The following USP10 variants were observed in gnomAD, a reference collection of about 807,000 sequenced individuals.
USP10 encodes the protein ubiquitin carboxyl-terminal hydrolase 10.
A neutral mutation model predicts 84.5 loss-of-function variants in USP10; 22 were observed. The observed-to-expected ratio is 0.26, with a 90% confidence interval of 0.19 to 0.37. USP10 has a LOEUF of 0.37. Among genes scored for constraint, USP10 ranks in the 10% least tolerant of loss-of-function variants. USP10 has a pLI of 1.00. For synonymous variants in USP10, 454 were observed against 387.6 expected (o/e 1.17, Z -2.01); for missense variants, 1,019 against 998.9 (o/e 1.02, Z -0.27).
intron 11 of USP10, among the ~76,000 whole-genome samples, chr16:84,771,810 G>A (rs1197416024): frequency 1.3e-5 from 2 of 152,170 alleles, no homozygotes; most frequent in Non-Finnish European, 2.9e-5. Flanking sequence ...GGATGTTGCA[G>A]TGAGCGCAGA....
At chr16:84,740,231 T>C (rs1432185104) in intron 2 of USP10, 78 bp from the exon 3 acceptor site, 3 of 1,312,642 alleles carry the variant, frequency 2.3e-6, no homozygotes, top group African/African-American at 2.9e-5. Context: ...TTTTAATGAA[T>C]TGTTGCCTTA....
Position 84,705,836 on chromosome 16 carries a change from CAG to C in USP10, c.21+5726_21+5727del, listed in dbSNP as rs374840067. Among the ~76,000 whole-genome samples, 264 of 150,342 alleles carry C rather than the reference CAG, an allele frequency of 1.8e-3. 1 individual carries two copies. Among genetic ancestry groups the C allele is most frequent in the African/African-American group, 6.1e-3 (250 of 40,786 alleles). ...CCAGATTCAAGCGATTCTCCTGCCT[CAG>C]TCTCTCAAGTAGCTGGGATTACAGG... On this transcript the variant is annotated intron_variant, in intron 1 of 13. Transcript: ENST00000219473.
At chr16:84,744,418 A>G (rs532814120) in intron 3 of USP10, among the ~76,000 whole-genome samples, 40 of 152,344 alleles carry the variant, frequency 2.6e-4, no homozygotes, top group South Asian at 1.4e-3. Context: ...CTAGAAAGAT[A>G]AGTACAGGCT....
chr16:84,762,565 C>G (rs943454800), intron 8 of USP10, among the ~76,000 whole-genome samples: 1 of 152,030 alleles, frequency 6.6e-6, no homozygotes, highest in East Asian at 1.9e-4. Context: ...GTGGCACACA[C>G]CTGGAGTCCC....
rs1914866961 is a variant in USP10 at position 84,775,157 on chromosome 16, C to T, written c.2144-3C>T. 1 of 1,613,574 alleles carries T rather than the reference C, an allele frequency of 6.2e-7. No homozygotes were observed. Among genetic ancestry groups the T allele is most frequent in the Non-Finnish European group, 8.5e-7 (1 of 1,179,654 alleles). ...TTCAAGCCATTGATATTTTGTTTTC[C>T]AGAACTGCTTTCTCCAGGGGTTAAA... On this transcript the variant is annotated splice_region_variant and splice_polypyrimidine_tract_variant and intron_variant, in intron 12 of 13. Coordinates refer to ENST00000219473, the MANE Select transcript of USP10 (RefSeq NM_005153.3).
chr16:84,736,270 T>A (rs1215925766), intron 2 of USP10, among the ~76,000 whole-genome samples: 2 of 152,240 alleles, frequency 1.3e-5, no homozygotes, highest in African/African-American at 4.8e-5. Context: ...AAAATATTGT[T>A]TTCTCTACTT....
chr16:84,721,473 A>G (rs1474790168), intron 1 of USP10, among the ~76,000 whole-genome samples: 3 of 152,236 alleles, frequency 2.0e-5, no homozygotes, highest in Non-Finnish European at 4.4e-5. Flanking sequence ...AGTCAACCTT[A>G]TTGAAGTATA....
chr16:84,723,816 A>G (rs1597305755), intron 1 of USP10, among the ~76,000 whole-genome samples: 2 of 152,276 alleles, frequency 1.3e-5, no homozygotes, highest in African/African-American at 4.8e-5. Context: ...TTGTGTAATC[A>G]CCTCCACAAT....
chr16:84,749,047 C>T (rs529345367), intron 4 of USP10, among the ~76,000 whole-genome samples: 2 of 152,238 alleles, frequency 1.3e-5, no homozygotes, highest in Admixed American at 6.5e-5. Flanking sequence ...CTTCGATAGA[C>T]AGAACGTAGT....
intron 3 of USP10, among the ~76,000 whole-genome samples, chr16:84,743,627 G>A (rs770270424): frequency 1.3e-5 from 2 of 152,256 alleles, no homozygotes; most frequent in Middle Eastern, 3.4e-3. Context: ...TAAGGCATGT[G>A]TCCTTCCCTT....
At chr16:84,749,008 T>C (rs1226382682) in intron 4 of USP10, among the ~76,000 whole-genome samples, 6 of 152,224 alleles carry the variant, frequency 3.9e-5, no homozygotes, top group South Asian at 2.1e-4. Flanking sequence ...TTTAAAAATA[T>C]ATAATTCTTT....
At chr16:84,759,255 G>T in intron 5 of USP10, 108 bp from the exon 6 acceptor site, 1 of 1,025,708 alleles carries the variant, frequency 9.7e-7, no homozygotes, top group Non-Finnish European at 1.5e-6. Flanking sequence ...GTAGTTCAAC[G>T]TCCTTAGCTT....
intron 2 of USP10, among the ~76,000 whole-genome samples, chr16:84,735,325 C>G (rs1267549610): frequency 1.3e-5 from 2 of 151,992 alleles, no homozygotes; most frequent in African/African-American, 2.4e-5. Flanking sequence ...CAGGTTTTCT[C>G]AAGTGTGTAC....
chr16:84,747,081 C>A (rs566243116), intron 4 of USP10, among the ~76,000 whole-genome samples: 1 of 152,204 alleles, frequency 6.6e-6, no homozygotes, highest in Non-Finnish European at 1.5e-5. Context: ...CTTGTGGGAC[C>A]ATCATACGTG....
At chr16:84,741,013 T>C (rs907093178) in intron 3 of USP10, among the ~76,000 whole-genome samples, 5 of 152,246 alleles carry the variant, frequency 3.3e-5, no homozygotes, top group African/African-American at 9.6e-5. Flanking sequence ...AATTCAAACT[T>C]GTCGAGATCA....
chr16:84,767,835 T>C (rs1325487674), intron 10 of USP10, among the ~76,000 whole-genome samples: 1 of 151,952 alleles, frequency 6.6e-6, no homozygotes, highest in Non-Finnish European at 1.5e-5. Context: ...GAGGGGGATT[T>C]GGCAGGGTCA....
intron 1 of USP10, among the ~76,000 whole-genome samples, chr16:84,702,917 C>T (rs201021360): frequency 5.2e-5 from 7 of 134,162 alleles, no homozygotes; most frequent in Non-Finnish European, 1.1e-4. Flanking sequence ...CGCTTGAACC[C>T]GGGAGGCGGA....
chr16:84,767,817 T>C (rs903338546), intron 10 of USP10, among the ~76,000 whole-genome samples: 2 of 152,042 alleles, frequency 1.3e-5, no homozygotes, highest in Non-Finnish European at 2.9e-5. Context: ...TCTTGGGTGT[T>C]TCTCACAGAG....
chr16:84,718,361 C>T (rs774942346), intron 1 of USP10, among the ~76,000 whole-genome samples: 1 of 152,194 alleles, frequency 6.6e-6, no homozygotes, highest in Middle Eastern at 3.2e-3. Context: ...TCAAGGGATC[C>T]TCCCACCTCA....
Sources: allele counts gnomAD v4.1 joint callset (sites outside exome capture counted in the v4.1 genomes callset), GRCh38; gene constraint gnomAD v4.1.1; transcripts MANE v1.5; gene names NCBI Gene and HGNC (gene_info 2026-07-23, HGNC 2026-07-21).